MTAP: variants seen among roughly 807,000 people sequenced by gnomAD.
MTAP encodes the protein methylthioadenosine phosphorylase.
MTAP carries 33 observed loss-of-function variants against 33.6 expected under a neutral mutation model. The observed-to-expected ratio is 0.98, with a 90% CI of 0.74 to 1.31. The LOEUF is 1.31. Ranked by LOEUF, MTAP falls within the 40% of genes most tolerant of loss-of-function variation. MTAP has a pLI of 0.00. For missense variants in MTAP, 367 were observed against 360.0 expected (o/e 1.02, Z -0.16); for synonymous variants, 148 against 125.7 (o/e 1.18, Z -1.19).
chr9:21,847,943 G>A (rs1186268864), intron 5 of MTAP, among the ~76,000 whole-genome samples: 1 of 152,182 alleles, frequency 6.6e-6, no homozygotes, highest in East Asian at 1.9e-4. Context: ...CCTGCAACTT[G>A]GAACTGGGAT....
chr9:21,816,615 C>G, intron 2 of MTAP, 99 bp from the exon 3 acceptor site: 1 of 970,220 alleles, frequency 1.0e-6, no homozygotes, highest in Non-Finnish European at 1.6e-6. Flanking sequence ...TATCCTCAGA[C>G]TCTTCAGATT....
intron 1 of MTAP, among the ~76,000 whole-genome samples, chr9:21,814,546 C>T (rs903677448): frequency 6.6e-6 from 1 of 152,130 alleles, no homozygotes; most frequent in African/African-American, 2.4e-5. Context: ...TTAGTTTTAA[C>T]AGTTTAGTTA....
chr9:21,928,977 C>T (rs1479792334), intron 1 of MTAP, among the ~76,000 whole-genome samples: 1 of 151,924 alleles, frequency 6.6e-6, no homozygotes, highest in Non-Finnish European at 1.5e-5. Context: ...AAAACAAACC[C>T]AACGTCGGAA....
At chr9:21,930,021 C>T (rs1180266638) in intron 1 of MTAP, 4 of 419,254 alleles carry the variant, frequency 9.5e-6, no homozygotes, top group African/African-American at 4.1e-5. Flanking sequence ...CTAATTAAGT[C>T]CATTCAGTTT....
chr9:21,872,404 C>A (rs1164426533), intron 1 of MTAP, among the ~76,000 whole-genome samples: 2 of 152,108 alleles, frequency 1.3e-5, no homozygotes, highest in Non-Finnish European at 2.9e-5. Context: ...AGGCTACTTC[C>A]CGAATGACCT....
intron 5 of MTAP, among the ~76,000 whole-genome samples, chr9:21,841,270 C>A (rs1321086971): frequency 6.6e-6 from 1 of 152,256 alleles, no homozygotes; most frequent in African/African-American, 2.4e-5. Context: ...CCTACTCCTT[C>A]TGCAGCTGGT....
chr9:21,839,173 G>GTTTT lies in MTAP; in HGVS notation c.450+1175_450+1178dup, dbSNP rs10634119. The stretch of plus-strand genomic sequence containing the variant: ...TCTAGGAAAGTACGTCTTTTACTTG[G>GTTTT]TTTTTTTTTTTTTTTAAAAAAGTGG... On this transcript the variant is annotated intron_variant, in intron 5 of 7. Transcript: ENST00000644715. Among the ~76,000 whole-genome samples the GTTTT allele has an allele frequency of 1.8e-3, 261 of 143,782 alleles. 2 individuals carry two copies. Among genetic ancestry groups the GTTTT allele is most frequent in the Middle Eastern group, 7.2e-3 (2 of 276 alleles). 94.3% of individuals were successfully genotyped at this position (143,782 alleles called of 152,430 possible).
chr9:21,870,796 G>A (rs994817499), downstream of MTAP, among the ~76,000 whole-genome samples: 17 of 50,452 alleles, frequency 3.4e-4, no homozygotes, highest in African/African-American at 1.3e-3. Context: ...TTTTTTTTTT[G>A]AGATGGATTC....
chr9:21,873,906 G>A (rs1320568200), intron 1 of MTAP, among the ~76,000 whole-genome samples: 1 of 152,018 alleles, frequency 6.6e-6, no homozygotes, highest in Non-Finnish European at 1.5e-5. Context: ...TTGTTGCAGA[G>A]CACTTTTTTC....
chr9:21,836,392 G>A (rs964156491), intron 4 of MTAP, among the ~76,000 whole-genome samples: 3 of 152,132 alleles, frequency 2.0e-5, no homozygotes, highest in African/African-American at 7.2e-5. Flanking sequence ...AAAGGCGGGG[G>A]TTCCAAGGCA....
At chr9:21,871,891 G>A (rs771744473), downstream of MTAP, among the ~76,000 whole-genome samples, 8 of 152,148 alleles carry the variant, frequency 5.3e-5, no homozygotes, top group South Asian at 6.2e-4. Flanking sequence ...CATATTAGGT[G>A]TTCAATAAAA....
Position 21,859,361 on chromosome 9 carries a change from T to C in MTAP, c.749T>C (p.Leu250Ser). 1 of 1,613,672 alleles carries C rather than the reference T, an allele frequency of 6.2e-7. No homozygotes were observed. Among genetic ancestry groups the C allele is most frequent in the Non-Finnish European group, 8.5e-7 (1 of 1,179,780 alleles). Residue 250 changes from leucine (L) to serine (S), a missense_variant, in exon 7 of 8, where the codon TTA becomes TCA. Transcript: ENST00000644715. Reference sequence around the variant, plus strand: ...GAAAACGCTAATAAAGCCAAAAGCTTACTGCTCACTACCATACCTCAGATA... The same window carrying C: ...GAAAACGCTAATAAAGCCAAAAGCTCACTGCTCACTACCATACCTCAGATA... ...LKENANKAKSLLLTTIPQIGS... is the reference protein window; with the variant it reads ...LKENANKAKSSLLTTIPQIGS...
In MTAP at chr9:21,818,152, G is replaced by A. The variant is rs751888495; in HGVS notation, c.297G>A (p.Arg99=). 6.2e-7 allele frequency: 1 copy of A among 1,613,944 alleles called. No homozygotes were observed. Among genetic ancestry groups the A allele is most frequent in the Admixed American group, 1.7e-5 (1 of 60,014 alleles). ...TGACCACAGCTTGTGGCTCCTTGAG[G>A]GAGGAGATTCAGCCCGGCGATATTG... ...VIVTTACGSL[R]EEIQPGDIVI... The change falls in exon 4 of 8, where the codon AGG becomes AGA. Residue 99 remains arginine (R), a synonymous_variant. Transcript: ENST00000644715.
chr9:21,857,699 T>C (rs1825671450), intron 6 of MTAP, among the ~76,000 whole-genome samples: 1 of 152,242 alleles, frequency 6.6e-6, no homozygotes, highest in Admixed American at 6.5e-5. Flanking sequence ...ATCAATAATT[T>C]TATCCATAAA....
At chr9:21,912,309 G>C (rs1188107055) in intron 1 of MTAP, among the ~76,000 whole-genome samples, 2 of 152,114 alleles carry the variant, frequency 1.3e-5, no homozygotes, top group East Asian at 1.9e-4. Flanking sequence ...TGATACCAAA[G>C]CCTGGCAGAG....
chr9:21,912,369 T>C (rs186039990), intron 1 of MTAP, among the ~76,000 whole-genome samples: 1 of 152,184 alleles, frequency 6.6e-6, no homozygotes, highest in African/African-American at 2.4e-5. Flanking sequence ...TGAACATCGA[T>C]GCAAAAATCC....
At chr9:21,852,278 G>A (rs1428885715) in intron 5 of MTAP, among the ~76,000 whole-genome samples, 4 of 152,166 alleles carry the variant, frequency 2.6e-5, no homozygotes, top group Non-Finnish European at 5.9e-5. Flanking sequence ...GGAGGCCGAG[G>A]TGGGTGGATC....
chr9:21,855,593 C>T lies in MTAP; in HGVS notation c.690+723C>T, dbSNP rs78420868. Among the ~76,000 whole-genome samples, 947 of 152,200 alleles carry T rather than the reference C, an allele frequency of 6.2e-3. 22 individuals are homozygous for T. The highest frequency in any genetic ancestry group is 0.053 in the East Asian group (275 of 5,178). On this transcript the variant is annotated intron_variant, in intron 6 of 7. Transcript: ENST00000644715. ...TGCAATACAGTAGGGCCAGGCCATACAGACCATGGTAAGGGTTTCAGATGG... is the reference window on the plus strand; with the variant it reads ...TGCAATACAGTAGGGCCAGGCCATATAGACCATGGTAAGGGTTTCAGATGG...
chr9:21,849,234 G>A (rs371232396), intron 5 of MTAP, among the ~76,000 whole-genome samples: 3 of 152,068 alleles, frequency 2.0e-5, no homozygotes, highest in Non-Finnish European at 2.9e-5. Context: ...TCTTTCTCCC[G>A]TCCTTCCCCA....
Sources: gnomAD v4.1 joint callset for allele counts (sites outside exome capture counted in the v4.1 genomes callset) on GRCh38, gnomAD v4.1.1 for gene constraint, MANE v1.5 for transcripts, NCBI Gene and HGNC (gene_info 2026-07-23, HGNC 2026-07-21) for gene names.